The following CROCC variants were observed in gnomAD, a reference collection of about 807,000 sequenced individuals.
CROCC encodes the protein rootletin.
A neutral mutation model predicts 245.2 loss-of-function variants in CROCC; 180 were observed. That is an observed-to-expected ratio of 0.73 (90% CI 0.65 to 0.83). The LOEUF (loss-of-function observed/expected upper bound fraction) is 0.83, where lower values mean the gene tolerates loss of function less well. CROCC is among the 40% of genes least tolerant of loss of function. The pLI is 0.00. For synonymous variants in CROCC, 1,205 were observed against 1,241.6 expected, an observed-to-expected ratio of 0.97 and a Z score of 0.62; for missense variants, 2,688 against 2,779.4, an observed-to-expected ratio of 0.97 and a Z score of 0.74.
At chr1:16,968,456 T>C (rs1441471845) in intron 31 of CROCC, 38 bp downstream of exon 31, 8 of 1,448,350 alleles carry the variant, frequency 5.5e-6, no homozygotes, top group African/African-American at 1.4e-5. Flanking sequence ...AGTGTTCACA[T>C]GCCCTGTGCC....
chr1:16,950,840 G>C (rs1211794465), intron 19 of CROCC, 113 bp from the exon 20 acceptor site: 20 of 882,038 alleles, frequency 2.3e-5, no homozygotes, highest in Non-Finnish European at 3.1e-5. Flanking sequence ...CTAGATGCCA[G>C]GCAGGCCCTC....
At chr1:16,969,753 C>A in intron 32 of CROCC, 32 bp from the exon 33 acceptor site, 1 of 1,594,912 alleles carries the variant, frequency 6.3e-7, no homozygotes, top group Admixed American at 1.8e-5. Flanking sequence ...GGCTCCCAGG[C>A]CAGCCAGGCA....
chr1:16,924,599 C>A, intron 3 of CROCC, 120 bp downstream of exon 3: 1 of 1,365,502 alleles, frequency 7.3e-7, no homozygotes, highest in Non-Finnish European at 1.0e-6. Flanking sequence ...TTGGCCTGGG[C>A]TTGGATTGAG....
rs574405122 is a variant in CROCC, at chr1:16,922,649, C to T, written c.61-14C>T. ...GTCCCATGTCCCCTGAAGACCCTCT[C>T]GCTTTTCCCACAGACACTGGAGAGC... is the stretch of plus-strand genomic sequence containing the variant. On this transcript the variant is annotated splice_polypyrimidine_tract_variant and intron_variant, in intron 1 of 36. Transcript: ENST00000375541. 1.8e-5 allele frequency: 28 copies of T among 1,593,242 alleles called. No individual in the cohort carries two copies. The highest frequency in any genetic ancestry group is 1.3e-4 in the East Asian group (6 of 44,600).
intron 30 of CROCC, among the ~76,000 whole-genome samples, chr1:16,967,422 C>T (rs961572941): frequency 1.1e-4 from 17 of 152,302 alleles, no homozygotes; most frequent in African/African-American, 3.8e-4. Context: ...GGCCTGGGGC[C>T]GAGCTTAGCT....
chr1:16,930,314 G>A lies in CROCC; in HGVS notation c.650G>A (p.Ser217Asn), dbSNP rs770661457. 1 of 1,608,318 alleles carries A rather than the reference G, an allele frequency of 6.2e-7. No homozygotes were observed. ...ACAGAGCACAGCCAAGACCTGGAAA[G>A]CGCCCTCATCCGGCTGGAGGAGGAG... ...RDTEHSQDLE[S>N]ALIRLEEEQQ... The change falls in exon 6 of 37, where the codon AGC (serine) becomes AAC (asparagine). Residue 217 changes from serine (S) to asparagine (N), a missense_variant. By Grantham distance (46) the Ser-to-Asn change is conservative. Coordinates refer to ENST00000375541, the MANE Select transcript of CROCC (RefSeq NM_014675.5).
intron 26 of CROCC, among the ~76,000 whole-genome samples, chr1:16,959,968 A>AAAACAG (rs1229513182): frequency 6.6e-6 from 1 of 152,076 alleles, no homozygotes; most frequent in Non-Finnish European, 1.5e-5. Context: ...AACAAAAAAA[A>AAAACAG]AAACAGAAAC....
upstream of CROCC, chr1:16,921,845 C>T (rs2075412461): frequency 7.8e-6 from 5 of 640,266 alleles, no homozygotes; most frequent in East Asian, 9.0e-5. Flanking sequence ...CATCCCCTCC[C>T]TCCTCAGCCC....
At chr1:16,931,485 C>T in intron 8 of CROCC, 88 bp downstream of exon 8, 2 of 1,262,696 alleles carry the variant, frequency 1.6e-6, no homozygotes, top group Non-Finnish European at 2.3e-6. Flanking sequence ...CAGTTCAACT[C>T]AACGCACTTA....
chr1:16,960,752 C>T lies in CROCC; in HGVS notation c.4033-6C>T, dbSNP rs550572052. On this transcript the variant is annotated splice_region_variant and splice_polypyrimidine_tract_variant and intron_variant, in intron 26 of 36. Coordinates refer to ENST00000375541, the MANE Select transcript of CROCC (RefSeq NM_014675.5). The stretch of plus-strand genomic sequence containing the variant: ...TGCCGACCTCCACCTCCTGGCATCA[C>T]TCCAGCTCCAGGTAGCCCAGCGGAA... 7.2e-6 allele frequency: 11 copies of T among 1,523,026 alleles called. No individual in the cohort carries two copies. The African/African-American group carries it at 1.3e-4, about 18-fold the overall frequency. The allele number at this position is 1,523,026 out of a possible 1,614,324, so 94.3% of individuals were successfully genotyped here.
intron 14 of CROCC, 128 bp from the exon 15 acceptor site, chr1:16,945,334 C>T (rs2076020788): frequency 4.3e-6 from 6 of 1,391,704 alleles, no homozygotes; most frequent in South Asian, 1.3e-5. Context: ...CTTGGTTGCC[C>T]TGTGGCTCAG....
upstream of CROCC, among the ~76,000 whole-genome samples, chr1:16,917,186 G>A (rs1035053291): frequency 4.6e-5 from 7 of 152,298 alleles, no homozygotes; most frequent in Non-Finnish European, 1.0e-4. Flanking sequence ...GCTGTGACTT[G>A]AGCTCTTTGT....
chr1:16,922,221 A>C, intron 1 of CROCC, 143 bp downstream of exon 1: 2 of 835,068 alleles, frequency 2.4e-6, no homozygotes, highest in Non-Finnish European at 3.7e-6. Context: ...CCCCGCTTGC[A>C]GTTCCTGGCA....
chr1:16,949,965 C>T (rs1289089176), intron 19 of CROCC, among the ~76,000 whole-genome samples: 2 of 150,614 alleles, frequency 1.3e-5, no homozygotes, highest in African/African-American at 2.4e-5. Context: ...GACGGGGTTT[C>T]GCCATGTTGG....
intron 17 of CROCC, among the ~76,000 whole-genome samples, chr1:16,947,197 C>T (rs1417365869): frequency 1.3e-5 from 2 of 152,274 alleles, no homozygotes; most frequent in Non-Finnish European, 2.9e-5. Context: ...ATGGGGCCAG[C>T]CAGGCGCAGT....
intron 17 of CROCC, among the ~76,000 whole-genome samples, chr1:16,948,109 A>G (rs1478165171): frequency 1.1e-3 from 165 of 152,254 alleles, no homozygotes; most frequent in African/African-American, 3.8e-3. Context: ...GATTATAGGC[A>G]CGCACCACCG....
chr1:16,917,084 C>T (rs1200217732), upstream of CROCC, among the ~76,000 whole-genome samples: 26 of 152,392 alleles, frequency 1.7e-4, no homozygotes, highest in African/African-American at 6.3e-4. Flanking sequence ...TGCCATTGCA[C>T]TCCAGACTGG....
At chr1:16,944,028 G>A (rs1424200096) in intron 13 of CROCC, 72 bp from the exon 14 acceptor site, 10 of 1,404,058 alleles carry the variant, frequency 7.1e-6, no homozygotes, top group African/African-American at 1.4e-5. Flanking sequence ...ATGGCTAGAG[G>A]AGCAGCCAGC....
Position 16,948,412 on chromosome 1 carries a change from C to T in CROCC, c.2596C>T (p.Arg866Ter), listed in dbSNP as rs1009922389. Residue 866 changes from arginine to a stop codon, truncating the protein, a stop_gained, in exon 18 of 37, where the codon CGA (arginine) becomes TGA (stop). Coordinates refer to ENST00000375541, the MANE Select transcript of CROCC (RefSeq NM_014675.5). LOFTEE classifies it high-confidence loss of function. ...EAQRQVEALERAAREKEALAK... is the reference protein window; with the variant it reads ...EAQRQVEALE The stretch of plus-strand genomic sequence containing the variant: ...CCAGCGGCAAGTGGAGGCGCTGGAG[C>T]GAGCGGCCCGTGAGAAGGAGGCGCT... The T allele has an allele frequency of 5.7e-6, 9 of 1,573,562 alleles. No individual in the cohort carries two copies. Among genetic ancestry groups the T allele is most frequent in the African/African-American group, 1.3e-5 (1 of 74,598 alleles).
Sources: allele counts gnomAD v4.1 joint callset (sites outside exome capture counted in the v4.1 genomes callset), GRCh38; gene constraint gnomAD v4.1.1; transcripts MANE v1.5; gene names NCBI Gene and HGNC (gene_info 2026-07-23, HGNC 2026-07-21).